PCDH15: variants seen among roughly 807,000 people sequenced by gnomAD.
The protein encoded by PCDH15 is protocadherin related 15.
A neutral mutation model predicts 178.5 loss-of-function variants in PCDH15; 129 were observed. That is an observed-to-expected ratio of 0.72 (90% confidence interval 0.63 to 0.84). The LOEUF (loss-of-function observed/expected upper bound fraction) is 0.84. PCDH15 is among the 40% of genes least tolerant of loss of function. PCDH15 has a pLI of 0.00. For missense variants in PCDH15, 2,230 were observed against 2,099.9 expected, an observed-to-expected ratio of 1.06 and a Z score of -1.21; for synonymous variants, 800 against 732.0, an observed-to-expected ratio of 1.09 and a Z score of -1.50.
At chr10:55,139,328 C>G (rs1450786316) in intron 2 of PCDH15, among the ~76,000 whole-genome samples, 1 of 151,752 alleles carries the variant, frequency 6.6e-6, no homozygotes, top group Non-Finnish European at 1.5e-5. Flanking sequence ...TAAATTGTGC[C>G]TTTGGTGGCA....
Position 55,336,004 on chromosome 10 carries a change from A to G in PCDH15, c.-155-169353T>C, listed in dbSNP as rs115173491. 5.7e-3 allele frequency among the ~76,000 whole-genome samples: 860 copies of G among 152,066 alleles called. 10 individuals carry two copies. The highest frequency in any genetic ancestry group is 0.02 in the African/African-American group (816 of 41,494). On this transcript the variant is annotated intron_variant, in intron 2 of 5. Coordinates refer to the PCDH15 transcript ENST00000613346. ...TACTTTTCTAGAATGAGGTTTCTCAATCTCAGAACTATTGACATTTTGGCC... is the reference window on the plus strand; with the variant it reads ...TACTTTTCTAGAATGAGGTTTCTCAGTCTCAGAACTATTGACATTTTGGCC...
intron 2 of PCDH15, among the ~76,000 whole-genome samples, chr10:55,526,501 T>C (rs1841304019): frequency 6.6e-6 from 1 of 152,006 alleles, no homozygotes; most frequent in South Asian, 2.1e-4. Flanking sequence ...TGGCAAGGCT[T>C]CCTTTTAATA....
At chr10:54,804,405 G>A (rs1952740803), upstream of PCDH15, among the ~76,000 whole-genome samples, 1 of 152,126 alleles carries the variant, frequency 6.6e-6, no homozygotes, top group Non-Finnish European at 1.5e-5. Flanking sequence ...ATTCAAACAT[G>A]TCCATATTCA....
At chr10:55,622,908 A>G (rs1026199085) in intron 2 of PCDH15, among the ~76,000 whole-genome samples, 4 of 152,124 alleles carry the variant, frequency 2.6e-5, no homozygotes, top group African/African-American at 9.7e-5. Context: ...GCTGTCTTCT[A>G]GTCTAATCCC....
At position 54,431,068 on chromosome 10, in the gene PCDH15, T is replaced by TA. The variant is rs561618991; in HGVS notation, c.158-52127dup. Among the ~76,000 whole-genome samples, 264 of 151,716 alleles carry TA rather than the reference T, an allele frequency of 1.7e-3. 1 individual carries two copies. Among genetic ancestry groups the TA allele is most frequent in the Middle Eastern group, 6.9e-3 (2 of 290 alleles). ...CTACCAGAATAGACGCAAGAAGAAA[T>TA]AAAAAAACTGAACAACCAATAACAA... On this transcript the variant is annotated intron_variant, in intron 3 of 37. Transcript: ENST00000644397.
rs754668254 is a variant in PCDH15 at position 54,317,387 on chromosome 10, C to G, written c.760G>C (p.Asp254His). 2.5e-6 allele frequency: 4 copies of G among 1,613,946 alleles called. No individual in the cohort carries two copies. The highest frequency in any genetic ancestry group is 3.4e-6 in the Non-Finnish European group (4 of 1,179,922). Residue 254 changes from aspartate to histidine, a missense_variant, in exon 8 of 38, where the codon GAT becomes CAT. By Grantham distance (81) the Asp-to-His change is moderately conservative. Coordinates refer to ENST00000644397, the MANE Select transcript of PCDH15 (RefSeq NM_001384140.1). ...RRTTTTTLTV[D>H]VLDGDDLGPM... ...CCCAAGTCATCTCCATCCAGAACAT[C>G]CACTGTGAGAGTGGTGGTGGTGGTT...
intron 2 of PCDH15, among the ~76,000 whole-genome samples, chr10:54,571,778 T>C (rs1488920234): frequency 2.0e-5 from 3 of 152,154 alleles, no homozygotes; most frequent in Admixed American, 6.6e-5. Flanking sequence ...CATCTAATTT[T>C]AGCAGCTTAA....
chr10:55,018,849 A>C (rs901768309), intron 2 of PCDH15, among the ~76,000 whole-genome samples: 1 of 152,094 alleles, frequency 6.6e-6, no homozygotes, highest in Non-Finnish European at 1.5e-5. Flanking sequence ...CACACTGATA[A>C]AATATATACC....
chr10:55,416,572 A>G (rs1838489479), intron 2 of PCDH15, among the ~76,000 whole-genome samples: 1 of 151,632 alleles, frequency 6.6e-6, no homozygotes, highest in Non-Finnish European at 1.5e-5. Context: ...GAATCATCAA[A>G]CTTGAGGAAA....
rs1360676178 is a variant in PCDH15 at position 54,978,353 on chromosome 10, T to TA, written c.-79-80854dup. On this transcript the variant is annotated intron_variant, in intron 2 of 5. Transcript: ENST00000458638. ...TGAGTAGACTATGTATTATAACTGGTAAAAATCGTGCATGTTATACGACTA... is the reference window on the plus strand; with the variant it reads ...TGAGTAGACTATGTATTATAACTGGTAAAAAATCGTGCATGTTATACGACTA... Among the ~76,000 whole-genome samples, 13 of 152,236 alleles carry TA rather than the reference T, an allele frequency of 8.5e-5. 2 individuals are homozygous for TA. The highest frequency in any genetic ancestry group is 3.1e-4 in the African/African-American group (13 of 41,562).
intron 2 of PCDH15, among the ~76,000 whole-genome samples, chr10:55,505,100 A>G (rs993344009): frequency 6.6e-6 from 1 of 151,276 alleles, no homozygotes; most frequent in African/African-American, 2.4e-5. Flanking sequence ...TTGTTTTTCT[A>G]GAGAACACTT....
chr10:55,554,892 G>T (rs889125667), intron 2 of PCDH15, among the ~76,000 whole-genome samples: 7 of 151,968 alleles, frequency 4.6e-5, no homozygotes, highest in African/African-American at 1.7e-4. Flanking sequence ...GATATAGACA[G>T]TTGTGAGGCA....
intron 2 of PCDH15, among the ~76,000 whole-genome samples, chr10:55,476,385 T>G (rs945162606): frequency 6.6e-6 from 1 of 152,032 alleles, no homozygotes; most frequent in Non-Finnish European, 1.5e-5. Flanking sequence ...GCATCTCTCA[T>G]TCCATCATCA....
intron 6 of PCDH15, among the ~76,000 whole-genome samples, chr10:54,336,158 G>A (rs1005253517): frequency 2.6e-5 from 4 of 152,172 alleles, no homozygotes; most frequent in Non-Finnish European, 5.9e-5. Flanking sequence ...CATTCAAGAT[G>A]TGACTTCAGT....
chr10:55,105,346 A>G (rs1054569835), intron 2 of PCDH15, among the ~76,000 whole-genome samples: 2 of 152,170 alleles, frequency 1.3e-5, no homozygotes, highest in East Asian at 3.9e-4. Flanking sequence ...TTGGAAAAAA[A>G]TCACATATTA....
intron 1 of PCDH15, among the ~76,000 whole-genome samples, chr10:54,713,570 G>A (rs1348572891): frequency 7.9e-5 from 12 of 152,052 alleles, no homozygotes; most frequent in African/African-American, 2.9e-4. Context: ...GATCATGGAA[G>A]ATTTTAGAAT....
intron 1 of PCDH15, among the ~76,000 whole-genome samples, chr10:54,779,460 G>GTGTATATATATACACACATATA (rs1466556442): frequency 4.1e-4 from 12 of 29,364 alleles, no homozygotes; most frequent in African/African-American, 1.2e-3. Context: ...ACTCATATAT[G>GTGTATATATATACACACATATA]TGTGTATATA....
At chr10:54,955,520 T>G (rs750157636) in intron 2 of PCDH15, among the ~76,000 whole-genome samples, 64 of 151,538 alleles carry the variant, frequency 4.2e-4, no homozygotes, top group Non-Finnish European at 8.6e-4. Flanking sequence ...TATGTTTGTT[T>G]CATATTTTCT....
intron 23 of PCDH15, among the ~76,000 whole-genome samples, chr10:53,959,188 T>C (rs1453779863): frequency 1.3e-5 from 2 of 148,798 alleles, no homozygotes; most frequent in Non-Finnish European, 3.0e-5. Flanking sequence ...TGTATATATA[T>C]ATACACACAG....
Sources: gnomAD v4.1 joint callset for allele counts (sites outside exome capture counted in the v4.1 genomes callset) on GRCh38, gnomAD v4.1.1 for gene constraint, MANE v1.5 for transcripts, NCBI Gene and HGNC (gene_info 2026-07-23, HGNC 2026-07-21) for gene names.